The following WFDC8 variants were observed in gnomAD, a reference collection of about 807,000 sequenced individuals.
WFDC8 encodes WAP four-disulfide core domain protein 8.
In WFDC8, 24 loss-of-function variants were observed where a neutral mutation model predicts 27.0. That is an observed-to-expected ratio of 0.89 (90% CI 0.64 to 1.25). WFDC8 has a LOEUF of 1.25. Among genes scored for constraint, WFDC8 ranks in the 50% most tolerant of loss-of-function variants. The pLI is 0.00. For missense variants in WFDC8, 287 were observed against 295.9 expected (o/e 0.97, Z 0.22); for synonymous variants, 106 against 99.7 (o/e 1.06, Z -0.38).
At chr20:45,565,454 C>G (rs2903787) in intron 1 of WFDC8, among the ~76,000 whole-genome samples, 58,216 of 151,950 alleles carry the variant, frequency 0.38, 11,625 homozygotes, top group Non-Finnish European at 0.43. Flanking sequence ...ATTTACTTGA[C>G]AATGAGCCAC....
rs1336138272 is a variant in WFDC8 at position 45,565,040 on chromosome 20, AAAGG to A, written c.27-2825_27-2822del. Among the ~76,000 whole-genome samples, 23 of 88,156 alleles carry A rather than the reference AAAGG, an allele frequency of 2.6e-4. No individual in the cohort carries two copies. The East Asian group carries it at 4.4e-3, about 17-fold the overall frequency. The allele number at this position is 88,156 out of a possible 152,430, so 57.8% of individuals were successfully genotyped here. A position where few individuals can be genotyped will look rare whatever the true frequency, so the allele number is the denominator to read the frequency against. ...AGAAAGAAAGGAAGGAAGGAAGAAG[AAAGG>A]AAGGAAGGAAGAAGAGAGAGGGAGG... On this transcript the variant is annotated intron_variant, in intron 1 of 5. Coordinates refer to ENST00000289953, the MANE Select transcript of WFDC8 (RefSeq NM_130896.3).
intron 1 of WFDC8, among the ~76,000 whole-genome samples, chr20:45,575,069 C>A (rs534820649): frequency 1.3e-5 from 2 of 152,254 alleles, no homozygotes; most frequent in Admixed American, 6.5e-5. Flanking sequence ...AGCTCTTATA[C>A]CCAACAGTGA....
Position 45,561,055 on chromosome 20 carries a change from G to A in WFDC8, c.136+1055C>T, listed in dbSNP as rs570888460. Among the ~76,000 whole-genome samples, 323 of 152,276 alleles carry A rather than the reference G, an allele frequency of 2.1e-3. 2 individuals are homozygous for A. The highest frequency in any genetic ancestry group is 3.8e-3 in the Non-Finnish European group (260 of 68,016). ...CGGCAAATCAAACTGGGTTTGAGTTGTTGTAGCTCCTTTCCCCATTGTCAG... is the reference window on the plus strand; with the variant it reads ...CGGCAAATCAAACTGGGTTTGAGTTATTGTAGCTCCTTTCCCCATTGTCAG... On this transcript the variant is annotated intron_variant, in intron 2 of 5. Transcript: ENST00000289953.
rs1980371992 is a variant in WFDC8 at position 45,558,988 on chromosome 20, T to A, written c.141A>T (p.Lys47Asn). Reference sequence around the variant, plus strand: ...GCCTCTCTTTGGGACATAACCCTGGTTTGTCTGCAAGAAAGAAATGTCCAA... The same window carrying A: ...GCCTCTCTTTGGGACATAACCCTGGATTGTCTGCAAGAAAGAAATGTCCAA... ...SAMLTKKIKHKPGLCPKERLT... is the reference protein window; with the variant it reads ...SAMLTKKIKHNPGLCPKERLT... The change falls in exon 3 of 6, where the codon AAA (lysine) becomes AAT (asparagine). Residue 47 changes from lysine to asparagine, a missense_variant. Transcript: ENST00000289953. 6.2e-7 allele frequency: 1 copy of A among 1,613,896 alleles called. No homozygotes were observed. Among genetic ancestry groups the A allele is most frequent in the Middle Eastern group, 1.7e-4 (1 of 6,052 alleles).
chr20:45,561,754 G>C (rs1218436800), intron 2 of WFDC8, among the ~76,000 whole-genome samples: 35 of 150,576 alleles, frequency 2.3e-4, no homozygotes, highest in Non-Finnish European at 3.0e-4. Flanking sequence ...GTGTGTGTGT[G>C]TGTGTGTGTG....
chr20:45,573,867 A>G (rs754013931), intron 1 of WFDC8, among the ~76,000 whole-genome samples: 1 of 152,094 alleles, frequency 6.6e-6, no homozygotes, highest in East Asian at 1.9e-4. Flanking sequence ...ATTCTGTTCC[A>G]TTGGTCAATG....
rs774454232 is a variant in WFDC8, at chr20:45,552,001, G to C, written c.*25C>G. 4 of 1,610,914 alleles carry C rather than the reference G, an allele frequency of 2.5e-6. No individual in the cohort carries two copies. Among genetic ancestry groups the C allele is most frequent in the Non-Finnish European group, 2.5e-6 (3 of 1,178,420 alleles). ...CATGCTACTCATAATTAATGATTTT[G>C]ATGATAATATTTTCTACTTACTATT... On this transcript the variant is annotated 3_prime_UTR_variant, in exon 6 of 6. Coordinates refer to ENST00000289953, the MANE Select transcript of WFDC8 (RefSeq NM_130896.3).
At chr20:45,558,747 A>T in intron 3 of WFDC8, 105 bp downstream of exon 3, 1 of 1,412,476 alleles carries the variant, frequency 7.1e-7, no homozygotes, top group Non-Finnish European at 9.6e-7. Context: ...GAATGAGAAG[A>T]GCACAGGCCC....
At chr20:45,554,724 C>T (rs6032300) in intron 4 of WFDC8, among the ~76,000 whole-genome samples, 58,254 of 152,024 alleles carry the variant, frequency 0.38, 11,632 homozygotes, top group Non-Finnish European at 0.43. Context: ...TGAAGGGAAG[C>T]TTGTGGTCCT....
Position 45,552,109 on chromosome 20 carries a change from TG to T in WFDC8, c.642del (p.Lys215SerfsTer20), listed in dbSNP as rs747530136. On this transcript the variant is annotated frameshift_variant, in exon 6 of 6. Coordinates refer to ENST00000289953, the MANE Select transcript of WFDC8 (RefSeq NM_130896.3). LOFTEE classifies it low-confidence loss of function (END_TRUNC). ...KPLLCTKIDK[P>X]KCLQDEECPL... The stretch of plus-strand genomic sequence containing the variant: ...GGGCACTCCTCATCCTGCAGGCACT[TG>T]GGTTTATCAATCTTGGTACATAGCA... The T allele has an allele frequency of 1.7e-5, 27 of 1,614,146 alleles. No individual in the cohort carries two copies. The South Asian group carries it at 2.2e-4, about 13-fold the overall frequency.
At chr20:45,559,941 T>C (rs1980407265) in intron 2 of WFDC8, 2 of 152,138 alleles carry the variant, frequency 1.3e-5, no homozygotes, top group South Asian at 4.1e-4. Context: ...GAATCTAAAG[T>C]TGCACCCTCA....
At chr20:45,553,062 C>G (rs1333490574) in intron 5 of WFDC8, 74 bp downstream of exon 5, 1 of 1,534,222 alleles carries the variant, frequency 6.5e-7, no homozygotes, top group Non-Finnish European at 8.8e-7. Flanking sequence ...CAAGACACCC[C>G]CCACTCCATG....
intron 2 of WFDC8, among the ~76,000 whole-genome samples, chr20:45,560,302 A>G (rs6032319): frequency 0.38 from 58,272 of 152,062 alleles, 11,641 homozygotes; most frequent in Non-Finnish European, 0.43. Context: ...AAATGACTCT[A>G]CTACAACCAG....
chr20:45,572,178 AT>A, intron 1 of WFDC8, among the ~76,000 whole-genome samples: 1 of 152,104 alleles, frequency 6.6e-6, no homozygotes, highest in African/African-American at 2.4e-5. Context: ...AGGCGGGCGG[AT>A]CTCATCAGGA....
chr20:45,553,811 C>CAT (rs1980137057), intron 4 of WFDC8, among the ~76,000 whole-genome samples: 2 of 152,002 alleles, frequency 1.3e-5, no homozygotes, highest in Non-Finnish European at 2.9e-5. Flanking sequence ...TAAGGTTTTA[C>CAT]CAGATTTAGG....
At chr20:45,552,238 G>T in intron 5 of WFDC8, 73 bp from the exon 6 acceptor site, 1 of 1,568,700 alleles carries the variant, frequency 6.4e-7, no homozygotes, top group Non-Finnish European at 8.7e-7. Context: ...GAGGAATCTT[G>T]GGAATCTCAA....
chr20:45,575,345 A>G (rs1299362908), intron 1 of WFDC8, among the ~76,000 whole-genome samples: 1 of 152,220 alleles, frequency 6.6e-6, no homozygotes, highest in Non-Finnish European at 1.5e-5. Flanking sequence ...CAAAATCAAC[A>G]TACAAAAATC....
In WFDC8 at chr20:45,579,137, A is replaced by G. The variant is rs372944621; in HGVS notation, c.26+85T>C. 1,288 of 1,380,400 alleles carry G rather than the reference A, an allele frequency of 9.3e-4. 2 individuals are homozygous for G. Among genetic ancestry groups the G allele is most frequent in the Non-Finnish European group, 1.2e-3 (1,206 of 974,130 alleles). The allele number at this position is 1,380,400 out of a possible 1,614,324, so 85.5% of individuals were successfully genotyped here. On this transcript the variant is annotated intron_variant, in intron 1 of 5. Transcript: ENST00000289953. ...TTGGCCCAACTCCCCACAGCCGACC[A>G]CTCTAACTTCTATGTATCCTCCTCA...
intron 1 of WFDC8, among the ~76,000 whole-genome samples, chr20:45,564,672 C>T (rs1014536368): frequency 1.9e-5 from 2 of 106,322 alleles, no homozygotes; most frequent in African/African-American, 4.2e-5. Flanking sequence ...GAGACTCTGT[C>T]TCAAAAAAAA....
Sources: gnomAD v4.1 joint callset for allele counts (sites outside exome capture counted in the v4.1 genomes callset) on GRCh38, gnomAD v4.1.1 for gene constraint, MANE v1.5 for transcripts, NCBI Gene and HGNC (gene_info 2026-07-23, HGNC 2026-07-21) for gene names.